The following HECW1 variants were observed in gnomAD, a reference collection of about 807,000 sequenced individuals.
HECW1 encodes the protein HECT, C2 and WW domain containing E3 ubiquitin protein ligase 1, also known as E3 ubiquitin-protein ligase HECW1.
In HECW1, 61 loss-of-function variants were observed where a neutral mutation model predicts 182.3. The observed-to-expected ratio is 0.33, with a 90% CI of 0.27 to 0.41. The LOEUF (loss-of-function observed/expected upper bound fraction) is 0.41. HECW1 is among the 10% of genes least tolerant of loss of function. The pLI, the probability that HECW1 is intolerant of heterozygous loss-of-function variation, is 1.00. For missense variants in HECW1, 1,739 were observed against 2,108.9 expected (o/e 0.82, Z 3.44); for synonymous variants, 859 against 832.6 (o/e 1.03, Z -0.55).
intron 6 of HECW1, among the ~76,000 whole-genome samples, chr7:43,363,575 G>A (rs1163473357): frequency 1.3e-5 from 2 of 152,162 alleles, no homozygotes; most frequent in Non-Finnish European, 1.5e-5. Context: ...TAGCCCCTCT[G>A]CCACCAGGGA....
chr7:43,267,719 A>G (rs1801950538), intron 3 of HECW1, among the ~76,000 whole-genome samples: 1 of 152,146 alleles, frequency 6.6e-6, no homozygotes. Context: ...ACAAATATTC[A>G]TGATTAGAAT....
intron 3 of HECW1, among the ~76,000 whole-genome samples, chr7:43,287,548 G>A (rs1804810364): frequency 6.6e-6 from 1 of 152,160 alleles, no homozygotes; most frequent in South Asian, 2.1e-4. Context: ...ATATTGCCCA[G>A]GCTGGTCTCC....
intron 2 of HECW1, among the ~76,000 whole-genome samples, chr7:43,119,346 G>T (rs770528873): frequency 1.3e-5 from 2 of 152,168 alleles, no homozygotes; most frequent in African/African-American, 4.8e-5. Flanking sequence ...TAAGCACCTG[G>T]CTTCTTCCAG....
chr7:43,440,459 A>T (rs2076850872), intron 9 of HECW1: 1 of 152,168 alleles, frequency 6.6e-6, no homozygotes, highest in Non-Finnish European at 1.5e-5. Context: ...TTGAACCATT[A>T]TTTAGTGGTC....
chr7:43,285,678 G>A (rs1017073201), intron 3 of HECW1, among the ~76,000 whole-genome samples: 2 of 152,064 alleles, frequency 1.3e-5, no homozygotes, highest in African/African-American at 4.8e-5. Flanking sequence ...TGGGTGTGGT[G>A]GCTCATGCAG....
chr7:43,414,851 G>A (rs902475825), intron 8 of HECW1, among the ~76,000 whole-genome samples: 2 of 151,890 alleles, frequency 1.3e-5, no homozygotes, highest in Admixed American at 6.6e-5. Flanking sequence ...TGCTGGATTC[G>A]GTTTACCAGT....
intron 3 of HECW1, among the ~76,000 whole-genome samples, chr7:43,261,848 G>A (rs185279259): frequency 6.6e-4 from 100 of 151,990 alleles, no homozygotes; most frequent in Middle Eastern, 6.8e-3. Flanking sequence ...GCTTTGTTTT[G>A]TTTTTTATTT....
intron 3 of HECW1, among the ~76,000 whole-genome samples, chr7:43,292,440 A>G (rs1337325009): frequency 9.2e-5 from 14 of 152,224 alleles, no homozygotes; most frequent in Non-Finnish European, 1.5e-5. Flanking sequence ...GCATCAGGGC[A>G]AAGGTGTAGT....
At chr7:43,532,198 C>A (rs1445000361) in intron 24 of HECW1, among the ~76,000 whole-genome samples, 1 of 152,118 alleles carries the variant, frequency 6.6e-6, no homozygotes, top group Non-Finnish European at 1.5e-5. Flanking sequence ...TTTCTCATCT[C>A]TCCCCTTAAA....
chr7:43,528,591 G>A (rs976515423), intron 24 of HECW1, among the ~76,000 whole-genome samples: 5 of 152,112 alleles, frequency 3.3e-5, no homozygotes, highest in African/African-American at 1.2e-4. Flanking sequence ...ATGGTCAGAG[G>A]GTTTGTTAAG....
intron 7 of HECW1, among the ~76,000 whole-genome samples, chr7:43,406,000 G>C (rs150489834): frequency 6.6e-6 from 1 of 152,258 alleles, no homozygotes; most frequent in Non-Finnish European, 1.5e-5. Context: ...CCAGTCTTGC[G>C]CATGCCTCCT....
intron 3 of HECW1, among the ~76,000 whole-genome samples, chr7:43,255,096 ACT>A (rs981715159): frequency 1.3e-5 from 2 of 152,080 alleles, no homozygotes; most frequent in African/African-American, 4.8e-5. Flanking sequence ...TAGAACACAA[ACT>A]CTATGTTATT....
At chr7:43,364,343 C>T (rs560860163) in intron 6 of HECW1, among the ~76,000 whole-genome samples, 13 of 152,322 alleles carry the variant, frequency 8.5e-5, no homozygotes, top group African/African-American at 2.9e-4. Context: ...GTCTTCTACT[C>T]TTGTCTTTCT....
intron 3 of HECW1, among the ~76,000 whole-genome samples, chr7:43,302,250 G>C (rs1404327628): frequency 6.6e-6 from 1 of 152,186 alleles, no homozygotes; most frequent in East Asian, 1.9e-4. Context: ...AAGCCAGGCA[G>C]CTCAGGCCAT....
rs753699255 is a variant in HECW1 at position 43,463,618 on chromosome 7, A to C, written c.2652-42A>C. On this transcript the variant is annotated intron_variant, in intron 13 of 29. Coordinates refer to ENST00000395891, the MANE Select transcript of HECW1 (RefSeq NM_015052.5). ...TTCAGAGTTTTGGCCCCCAAGGAGC[A>C]AACCAAAGTTAACTCCTGTCTTTCC... The C allele has an allele frequency of 1.9e-5, 31 of 1,593,066 alleles. No individual in the cohort carries two copies. The Middle Eastern group carries it at 5.0e-4, about 26-fold the overall frequency.
At chr7:43,451,882 T>C (rs1329561368) in intron 12 of HECW1, among the ~76,000 whole-genome samples, 1 of 152,214 alleles carries the variant, frequency 6.6e-6, no homozygotes, top group Non-Finnish European at 1.5e-5. Context: ...TTCTTTACAT[T>C]CTTTTGCCTG....
chr7:43,535,982 T>C (rs1358007993), intron 24 of HECW1, among the ~76,000 whole-genome samples: 1 of 152,228 alleles, frequency 6.6e-6, no homozygotes, highest in Non-Finnish European at 1.5e-5. Context: ...AAATAACTTA[T>C]ATCAGAGTCC....
At chr7:43,423,245 CA>C (rs1450460047) in intron 8 of HECW1, among the ~76,000 whole-genome samples, 2 of 152,178 alleles carry the variant, frequency 1.3e-5, no homozygotes, top group Admixed American at 6.5e-5. Context: ...AGCAGTTTCA[CA>C]AATGATTTTT....
At chr7:43,404,868 C>T (rs6968700) in intron 7 of HECW1, among the ~76,000 whole-genome samples, 44,232 of 151,958 alleles carry the variant, frequency 0.29, 7,513 homozygotes, top group Middle Eastern at 0.45. Context: ...CCCAGCTACT[C>T]GGTAGGTTGA....
Sources: gnomAD v4.1 joint callset for allele counts (sites outside exome capture counted in the v4.1 genomes callset) on GRCh38, gnomAD v4.1.1 for gene constraint, MANE v1.5 for transcripts, NCBI Gene and HGNC (gene_info 2026-07-23, HGNC 2026-07-21) for gene names.